HIVEP3: variants seen among roughly 807,000 people sequenced by gnomAD.
The protein encoded by HIVEP3 is HIVEP zinc finger 3.
In HIVEP3, 49 loss-of-function variants were observed where a neutral mutation model predicts 152.8. The observed-to-expected ratio is 0.32, with a 90% CI of 0.26 to 0.41. The LOEUF (loss-of-function observed/expected upper bound fraction) is 0.41. HIVEP3 is among the 10% of genes least tolerant of loss of function. The probability of loss-of-function intolerance (pLI) is 1.00; values close to 1 mark genes in which losing one functional copy is unlikely to be tolerated. For synonymous variants in HIVEP3, 1,269 were observed against 1,289.0 expected, an observed-to-expected ratio of 0.98 and a Z score of 0.33; for missense variants, 2,790 against 3,103.3, an observed-to-expected ratio of 0.90 and a Z score of 2.40.
intron 2 of HIVEP3, among the ~76,000 whole-genome samples, chr1:41,649,838 C>T (rs758422138): frequency 2.0e-5 from 3 of 152,080 alleles, no homozygotes; most frequent in Non-Finnish European, 4.4e-5. Context: ...CATCTGGCAC[C>T]CAATTTGGCA....
intron 1 of HIVEP3, among the ~76,000 whole-genome samples, chr1:41,774,155 C>T (rs1220296909): frequency 1.3e-5 from 2 of 152,224 alleles, no homozygotes; most frequent in Non-Finnish European, 2.9e-5. Flanking sequence ...ACAGTCACTC[C>T]TGCACCTGCC....
intron 1 of HIVEP3, among the ~76,000 whole-genome samples, chr1:41,804,694 T>G (rs1304824482): frequency 1.3e-5 from 2 of 152,216 alleles, no homozygotes; most frequent in Admixed American, 1.3e-4. Flanking sequence ...ATGGCTTGAT[T>G]CATAACAATT....
At chr1:41,616,848 T>C (rs1243583136) in intron 3 of HIVEP3, among the ~76,000 whole-genome samples, 1 of 152,178 alleles carries the variant, frequency 6.6e-6, no homozygotes, top group Admixed American at 6.5e-5. Flanking sequence ...GGCCAATAGG[T>C]TGTGAGCAGT....
intron 5 of HIVEP3, among the ~76,000 whole-genome samples, chr1:41,532,683 T>A (rs1643297142): frequency 6.6e-6 from 1 of 151,932 alleles, no homozygotes; most frequent in African/African-American, 2.4e-5. Flanking sequence ...GAAACCAAGA[T>A]CCAGAAGTTT....
chr1:41,547,984 G>C (rs549543453), intron 5 of HIVEP3, among the ~76,000 whole-genome samples: 1 of 151,762 alleles, frequency 6.6e-6, no homozygotes, highest in African/African-American at 2.4e-5. Flanking sequence ...TCCAGCCTCC[G>C]ACCTTTGACC....
Position 41,784,977 on chromosome 1 carries a change from GT to G in HIVEP3, c.-800-83983del, listed in dbSNP as rs371575501. ...AGAAACACAAATCCAGTTCCCCAAA[GT>G]TTTGAAAAATACTGTTAATTGTTGA... On this transcript the variant is annotated intron_variant, in intron 1 of 8. Transcript: ENST00000372583. Among the ~76,000 whole-genome samples, 19 of 152,248 alleles carry G rather than the reference GT, an allele frequency of 1.2e-4. No homozygotes were observed. In the East Asian group the frequency reaches 3.7e-3, roughly 29 times the overall value.
chr1:41,853,727 G>A (rs145584702), intron 1 of HIVEP3, among the ~76,000 whole-genome samples: 3 of 152,326 alleles, frequency 2.0e-5, no homozygotes, highest in South Asian at 2.1e-4. Context: ...GTGAGGGAAA[G>A]TAGGAGTGAA....
chr1:41,513,349 AG>A lies in HIVEP3; in HGVS notation c.5871del (p.Leu1958Ter). On this transcript the variant is annotated frameshift_variant, in exon 8 of 9. Coordinates refer to ENST00000372583, the MANE Select transcript of HIVEP3 (RefSeq NM_024503.5). LOFTEE classifies it high-confidence loss of function. ...CTTGGGGACACAGGCTTGTAGCTCA[AG>A]GCTGAGCCTGTGTCTTTCTCCACAG... ...LGSVEKDTGS[A>X]LSYKPVSPRR... The A allele has an allele frequency of 6.2e-7, 1 of 1,612,768 alleles. No homozygotes were observed. The highest frequency in any genetic ancestry group is 8.5e-7 in the Non-Finnish European group (1 of 1,179,902).
chr1:41,732,276 C>T (rs1160990330), intron 1 of HIVEP3, among the ~76,000 whole-genome samples: 1 of 152,178 alleles, frequency 6.6e-6, no homozygotes, highest in African/African-American at 2.4e-5. Flanking sequence ...CTCCCTGAGA[C>T]AGCTACTATT....
chr1:41,628,744 C>T lies in HIVEP3; in HGVS notation c.-522+5G>A. 8.1e-7 allele frequency: 1 copy of T among 1,232,178 alleles called. No homozygotes were observed. Among genetic ancestry groups the T allele is most frequent in the South Asian group, 4.1e-5 (1 of 24,322 alleles). The allele number at this position is 1,232,178 out of a possible 1,614,324, so 76.3% of individuals were successfully genotyped here. On this transcript the variant is annotated splice_donor_5th_base_variant and intron_variant, in intron 3 of 8. Coordinates refer to ENST00000372583, the MANE Select transcript of HIVEP3 (RefSeq NM_024503.5). ...GCATATTCAGCAACAGCCCCCATTT[C>T]CTACCTGTGCTGAAGGCACCACTTC...
intron 1 of HIVEP3, among the ~76,000 whole-genome samples, chr1:41,933,405 A>G (rs1450539184): frequency 6.6e-6 from 1 of 152,156 alleles, no homozygotes; most frequent in African/African-American, 2.4e-5. Context: ...GCCCTTTATA[A>G]TTATTTGATG....
Position 41,928,102 on chromosome 1 carries a change from C to T in HIVEP3, n.120-9578G>A, listed in dbSNP as rs865968884. On this transcript the variant is annotated intron_variant and non_coding_transcript_variant, in intron 1 of 3. Coordinates refer to the HIVEP3 transcript ENST00000489103. ...AAAAGGCTTGTAAAAGCATGTATTG[C>T]TTTTTAAAGCAATTTTTAAGAAACA... 1.9e-3 allele frequency among the ~76,000 whole-genome samples: 278 copies of T among 145,652 alleles called. 1 individual carries two copies. Among genetic ancestry groups the T allele is most frequent in the African/African-American group, 6.5e-3 (257 of 39,792 alleles).
chr1:41,678,247 C>T (rs535296051), intron 2 of HIVEP3, among the ~76,000 whole-genome samples: 41 of 152,286 alleles, frequency 2.7e-4, no homozygotes, highest in African/African-American at 9.4e-4. Context: ...CTGGATGCTC[C>T]GCTCCAGAGA....
chr1:41,507,675 G>A lies in HIVEP3; in HGVS notation c.*2776C>T, dbSNP rs1372463938. The A allele has an allele frequency of 1.3e-5, 2 of 152,522 alleles. No homozygotes were observed. Among genetic ancestry groups the A allele is most frequent in the Middle Eastern group, 3.4e-3 (1 of 294 alleles). 9.4% of individuals were successfully genotyped at this position (152,522 alleles called of 1,614,324 possible). On this transcript the variant is annotated 3_prime_UTR_variant, in exon 9 of 9. Coordinates refer to ENST00000372583, the MANE Select transcript of HIVEP3 (RefSeq NM_024503.5). ...ACATCACAGGCAAACAGGAAGCTTG[G>A]AAGTGACTGGGAGCAGGGCAGAAGG...
At chr1:41,528,674 CT>C (rs1643112639) in intron 5 of HIVEP3, among the ~76,000 whole-genome samples, 1 of 121,082 alleles carries the variant, frequency 8.3e-6, no homozygotes, top group Non-Finnish European at 1.7e-5. Flanking sequence ...CACCTTCACA[CT>C]CACACCCCTG....
rs181514604 is a variant in HIVEP3 at position 41,752,318 on chromosome 1, G to T, written c.-800-51323C>A. ...CGCAATAGCTCCTCACCCTTCTGGG[G>T]AGCCCTCACTGAATGCCTCTGTGCC... is the stretch of plus-strand genomic sequence containing the variant. On this transcript the variant is annotated intron_variant, in intron 1 of 8. Coordinates refer to ENST00000372583, the MANE Select transcript of HIVEP3 (RefSeq NM_024503.5). 3.3e-5 allele frequency among the ~76,000 whole-genome samples: 5 copies of T among 152,328 alleles called. 1 individual carries two copies. The highest frequency in any genetic ancestry group is 1.2e-4 in the African/African-American group (5 of 41,574).
At chr1:41,838,973 A>G (rs1557433862) in intron 1 of HIVEP3, among the ~76,000 whole-genome samples, 1 of 152,230 alleles carries the variant, frequency 6.6e-6, no homozygotes, top group Non-Finnish European at 1.5e-5. Context: ...CAACTGGACC[A>G]AATTATCTTC....
At chr1:41,513,995 A>G (rs1442432676) in intron 7 of HIVEP3, among the ~76,000 whole-genome samples, 1 of 152,228 alleles carries the variant, frequency 6.6e-6, no homozygotes, top group Non-Finnish European at 1.5e-5. Flanking sequence ...CTTTAGGTAT[A>G]TTTATTCATT....
intron 5 of HIVEP3, among the ~76,000 whole-genome samples, chr1:41,556,859 T>C (rs1263888199): frequency 6.6e-6 from 1 of 152,246 alleles, no homozygotes; most frequent in Non-Finnish European, 1.5e-5. Flanking sequence ...ATGTGGATAT[T>C]CTGCTTTTGC....
Sources: allele counts gnomAD v4.1 joint callset (sites outside exome capture counted in the v4.1 genomes callset), GRCh38; gene constraint gnomAD v4.1.1; transcripts MANE v1.5; gene names NCBI Gene and HGNC (gene_info 2026-07-23, HGNC 2026-07-21).